BRAF: variants seen among roughly 807,000 people sequenced by gnomAD.
BRAF encodes serine/threonine-protein kinase B-raf.
Under a neutral mutation model 104.6 loss-of-function variants are expected in BRAF, and 16 were observed. The observed-to-expected ratio is 0.15, with a 90% CI of 0.10 to 0.23. The LOEUF (loss-of-function observed/expected upper bound fraction) is 0.23. BRAF is among the 10% of genes least tolerant of loss of function. The pLI, the probability that BRAF is intolerant of heterozygous loss-of-function variation, is 1.00. For synonymous variants in BRAF, 310 were observed against 341.6 expected, an observed-to-expected ratio of 0.91 and a Z score of 1.02; for missense variants, 541 against 937.3, an observed-to-expected ratio of 0.58 and a Z score of 5.52.
intron 8 of BRAF, among the ~76,000 whole-genome samples, chr7:140,789,693 C>T (rs942969923): frequency 6.6e-6 from 1 of 152,090 alleles, no homozygotes; most frequent in East Asian, 1.9e-4. Context: ...AAAAGAGATG[C>T]CAAAGTTTGC....
intron 1 of BRAF, among the ~76,000 whole-genome samples, chr7:140,892,468 TC>T (rs1250375504): frequency 6.6e-6 from 1 of 152,044 alleles, no homozygotes; most frequent in Non-Finnish European, 1.5e-5. Flanking sequence ...TAACACAGTA[TC>T]CCCCCTCATT....
At chr7:140,799,209 C>T (rs1802832064) in intron 7 of BRAF, 1 of 223,806 alleles carries the variant, frequency 4.5e-6, no homozygotes, top group Admixed American at 5.7e-5. Flanking sequence ...ATTAATAATA[C>T]TGTTCATTTT....
chr7:140,736,300 C>T (rs1796425859), intron 18 of BRAF, among the ~76,000 whole-genome samples: 1 of 151,802 alleles, frequency 6.6e-6, no homozygotes, highest in Admixed American at 6.6e-5. Context: ...AACTCCTAAC[C>T]TCAACTGATC....
chr7:140,862,405 G>T (rs1470124148), intron 1 of BRAF, among the ~76,000 whole-genome samples: 1 of 152,076 alleles, frequency 6.6e-6, no homozygotes, highest in East Asian at 1.9e-4. Context: ...TGTTTGGGAA[G>T]TTCAAAATAC....
At chr7:140,860,049 G>A (rs1437619735) in intron 1 of BRAF, among the ~76,000 whole-genome samples, 1 of 152,154 alleles carries the variant, frequency 6.6e-6, no homozygotes, top group South Asian at 2.1e-4. Context: ...TGAATAATAA[G>A]GAGGGTAAGA....
At chr7:140,827,192 C>T (rs1380391061) in intron 3 of BRAF, among the ~76,000 whole-genome samples, 2 of 152,228 alleles carry the variant, frequency 1.3e-5, no homozygotes, top group African/African-American at 4.8e-5. Flanking sequence ...TCTTAGGAGT[C>T]TAACCCTGCT....
At chr7:140,832,338 T>C (rs903636043) in intron 3 of BRAF, among the ~76,000 whole-genome samples, 1 of 152,238 alleles carries the variant, frequency 6.6e-6, no homozygotes, top group African/African-American at 2.4e-5. Flanking sequence ...TGTCATTCAC[T>C]ACCACAAACA....
In BRAF at chr7:140,721,717, A is replaced by G; in HGVS notation, c.*4777T>C. 6.6e-7 allele frequency: 1 copy of G among 1,522,252 alleles called. No homozygotes were observed. Among genetic ancestry groups the G allele is most frequent in the Non-Finnish European group, 8.8e-7 (1 of 1,141,530 alleles). 94.3% of individuals were successfully genotyped at this position (1,522,252 alleles called of 1,614,324 possible). A position where few individuals can be genotyped will look rare whatever the true frequency, so the allele number is the denominator to read the frequency against. On this transcript the variant is annotated 3_prime_UTR_variant, in exon 20 of 20. Coordinates refer to ENST00000644969, the MANE Select transcript of BRAF (RefSeq NM_001374258.1). ...ACATTTCAAGGATGTGCTGGAGACA[A>G]TACATGGACTTTCTCTTTCAATGGT... is the stretch of plus-strand genomic sequence containing the variant.
In BRAF at chr7:140,895,010, C is replaced by T. The variant is rs376349407; in HGVS notation, c.138+29556G>A. On this transcript the variant is annotated intron_variant, in intron 1 of 19. Coordinates refer to ENST00000644969, the MANE Select transcript of BRAF (RefSeq NM_001374258.1). ...AACGAATCAGCTCTTGATACCAAAA[C>T]CATGGAACAGCTCAGAGAGGTATAG... Among the ~76,000 whole-genome samples the T allele has an allele frequency of 3.3e-5, 5 of 152,248 alleles. No individual in the cohort carries two copies. The East Asian group carries it at 9.7e-4, about 29-fold the overall frequency.
intron 9 of BRAF, among the ~76,000 whole-genome samples, 176 bp downstream of exon 9, chr7:140,787,372 G>A (rs933908262): frequency 1.4e-5 from 2 of 147,920 alleles, no homozygotes; most frequent in African/African-American, 5.0e-5. Context: ...TTATAAACTA[G>A]TTAACATTTT....
At chr7:140,862,060 GA>G (rs1277233779) in intron 1 of BRAF, among the ~76,000 whole-genome samples, 1 of 152,172 alleles carries the variant, frequency 6.6e-6, no homozygotes, top group Non-Finnish European at 1.5e-5. Flanking sequence ...TTCCCATTTA[GA>G]AAAGAATCCT....
intron 19 of BRAF, chr7:140,731,979 G>A (rs968178470): frequency 5.3e-5 from 8 of 150,438 alleles, no homozygotes; most frequent in South Asian, 4.2e-4. Context: ...AGACCATCCC[G>A]GCTAAAACGG....
At chr7:140,778,718 G>T (rs1257760602) in intron 12 of BRAF, among the ~76,000 whole-genome samples, 1 of 149,624 alleles carries the variant, frequency 6.7e-6, no homozygotes, top group African/African-American at 2.5e-5. Flanking sequence ...AAAAGAAAAT[G>T]ATATTTTATT....
At position 140,924,622 on chromosome 7, in the gene BRAF, C is replaced by G; in HGVS notation, c.82G>C (p.Gly28Arg). The change falls in exon 1 of 20, where the codon GGC becomes CGC. Residue 28 changes from glycine to arginine, a missense_variant. Transcript: ENST00000644969. The surrounding 1 kb of genome is among the most constrained non-coding windows in gnomAD (Gnocchi z 4.2). Reference sequence around the variant, plus strand: ...GAGGCCGCGGCGCCGGCGCCGGCGCCGGCCTCGGGCTCCATGTCCCCGTTG... The same window carrying G: ...GAGGCCGCGGCGCCGGCGCCGGCGCGGGCCTCGGGCTCCATGTCCCCGTTG... ...LFNGDMEPEA[G>R]AGAGAAASSA... The G allele has an allele frequency of 3.3e-6, 5 of 1,525,000 alleles. No homozygotes were observed. The highest frequency in any genetic ancestry group is 4.4e-6 in the Non-Finnish European group (5 of 1,141,156). 94.5% of individuals were successfully genotyped at this position (1,525,000 alleles called of 1,614,324 possible). A position where few individuals can be genotyped will look rare whatever the true frequency, so the allele number is the denominator to read the frequency against.
At chr7:140,755,961 C>T (rs1024269576) in intron 14 of BRAF, among the ~76,000 whole-genome samples, 1 of 151,972 alleles carries the variant, frequency 6.6e-6, no homozygotes, top group Non-Finnish European at 1.5e-5. Flanking sequence ...TATCAAAATA[C>T]AGAGGCATGC....
intron 1 of BRAF, among the ~76,000 whole-genome samples, chr7:140,879,752 A>C (rs1057336492): frequency 2.4e-4 from 35 of 147,730 alleles, no homozygotes; most frequent in African/African-American, 8.9e-4. Flanking sequence ...TTTTTTTAAG[A>C]TGGAGTCTTG....
intron 1 of BRAF, among the ~76,000 whole-genome samples, chr7:140,905,158 A>C (rs1816163389): frequency 6.6e-6 from 1 of 152,184 alleles, no homozygotes; most frequent in African/African-American, 2.4e-5. Flanking sequence ...CACTGGGTTA[A>C]ACTTGTTCAT....
intron 8 of BRAF, among the ~76,000 whole-genome samples, chr7:140,788,777 C>T (rs923758442): frequency 2.6e-5 from 4 of 151,736 alleles, no homozygotes; most frequent in Non-Finnish European, 2.9e-5. Context: ...TTAGTAGAGA[C>T]GGGGTTTCAC....
intron 3 of BRAF, among the ~76,000 whole-genome samples, chr7:140,812,381 A>G (rs1804377483): frequency 6.6e-6 from 1 of 152,136 alleles, no homozygotes; most frequent in East Asian, 1.9e-4. Flanking sequence ...TTTTCCCATT[A>G]TTTGTAAGAT....
Sources: allele counts gnomAD v4.1 joint callset (sites outside exome capture counted in the v4.1 genomes callset), GRCh38; gene constraint gnomAD v4.1.1; non-coding constraint Gnocchi (gnomAD v3.1); transcripts MANE v1.5; gene names NCBI Gene and HGNC (gene_info 2026-07-23, HGNC 2026-07-21).